The following GYG2 variants were observed in gnomAD, a reference collection of about 807,000 sequenced individuals.
GYG2 encodes the protein glycogenin-2.
In GYG2, 29 loss-of-function variants were observed where a neutral mutation model predicts 29.4. The ratio of observed to expected loss-of-function variants is 0.99; its 90% CI spans 0.74 to 1.35. The LOEUF is 1.35. Ranked by LOEUF, GYG2 falls within the 40% of genes most tolerant of loss-of-function variation. The pLI is 0.00. For missense variants in GYG2, 370 were observed against 385.7 expected, an observed-to-expected ratio of 0.96 and a Z score of 0.34; for synonymous variants, 167 against 172.3, an observed-to-expected ratio of 0.97 and a Z score of 0.24.
chrX:2,848,981 C>T (rs1170903721), intron 3 of GYG2, among the ~76,000 whole-genome samples: 1 of 110,768 alleles, frequency 9.0e-6, no homozygotes, highest in Non-Finnish European at 1.9e-5. Context: ...GAGCAATGAC[C>T]GTAAATGACC....
Position 2,858,473 on chromosome X carries a change from A to G in GYG2, c.615-1370A>G, listed in dbSNP as rs188755459. ...AGAGCAAGCCTCAGCTCAGGAGAAA[A>G]AAAAAAGAAAGAATCCACACGGACA... On this transcript the variant is annotated intron_variant, in intron 6 of 10. Coordinates refer to ENST00000398806, the MANE Select transcript of GYG2 (RefSeq NM_001079855.2). 7.2e-5 allele frequency among the ~76,000 whole-genome samples: 8 copies of G among 110,783 alleles called. No homozygotes were observed. In the East Asian group the frequency reaches 2.0e-3, roughly 27 times the overall value.
chrX:2,846,051 A>ATT (rs2087720471), intron 3 of GYG2, among the ~76,000 whole-genome samples: 1 of 28,536 alleles, frequency 3.5e-5, no homozygotes, highest in Non-Finnish European at 5.7e-5. Context: ...ATATATATAT[A>ATT]TATATTTTTT....
chrX:2,868,657 C>G (rs2088367844), intron 8 of GYG2, among the ~76,000 whole-genome samples: 1 of 109,195 alleles, frequency 9.2e-6, no homozygotes, highest in Non-Finnish European at 1.9e-5. Flanking sequence ...AGTCTTCAGG[C>G]TTTTAAAAGG....
intron 10 of GYG2, 47 bp from the exon 11 acceptor site, chrX:2,881,005 A>G (rs769189858): frequency 2.3e-5 from 27 of 1,169,214 alleles, no homozygotes; most frequent in Non-Finnish European, 2.7e-5. Context: ...CTTTCCCTCG[A>G]TAATGGACAG....
intron 2 of GYG2, among the ~76,000 whole-genome samples, chrX:2,839,985 C>T (rs1327763316): frequency 8.9e-6 from 1 of 111,865 alleles, no homozygotes; most frequent in Non-Finnish European, 1.9e-5. Flanking sequence ...CACAACATTG[C>T]GCATGGACTA....
At chrX:2,865,045 C>T (rs1473794213) in intron 8 of GYG2, among the ~76,000 whole-genome samples, 1 of 111,817 alleles carries the variant, frequency 8.9e-6, no homozygotes, top group East Asian at 2.8e-4. Context: ...AAGTGTGAGC[C>T]ACCATGCCTG....
intron 3 of GYG2, among the ~76,000 whole-genome samples, chrX:2,846,051 ATATATTTTTTTTTTTT>A (rs777212085): frequency 0.15 from 4,152 of 28,319 alleles, 121 homozygotes; most frequent in South Asian, 0.47. Context: ...ATATATATAT[ATATATTTTTTTTTTTT>A]TTTTTTTTTT....
intron 5 of GYG2, among the ~76,000 whole-genome samples, chrX:2,855,676 C>G (rs912036356): frequency 8.9e-6 from 1 of 111,821 alleles, no homozygotes; most frequent in Non-Finnish European, 1.9e-5. Flanking sequence ...TTGCTTGAGG[C>G]GAGGAGTTCA....
At chrX:2,840,750 GATAGATGATAGATAT>G (rs1382528230) in intron 2 of GYG2, among the ~76,000 whole-genome samples, 48 of 110,154 alleles carry the variant, frequency 4.4e-4, no homozygotes, top group Admixed American at 1.7e-3. Flanking sequence ...ATAGATGGAT[GATAGATGATAGATAT>G]ATAGATGATA....
Position 2,882,239 on chromosome X carries a change from G to C in GYG2, c.*1026G>C, listed in dbSNP as rs2088733628. On this transcript the variant is annotated 3_prime_UTR_variant, in exon 11 of 11. Transcript: ENST00000398806. ...GCTGTCAGGGGCCACCGAGAGTGTC[G>C]TTAAAAATGGGCATGGTTGTAATAA... 1 of 110,396 alleles carries C rather than the reference G, an allele frequency of 9.1e-6. No homozygotes were observed. The highest frequency in any genetic ancestry group is 3.3e-5 in the African/African-American group (1 of 30,315). 9.1% of individuals were successfully genotyped at this position (110,396 alleles called of 1,213,427 possible). A position where few individuals can be genotyped will look rare whatever the true frequency, so the allele number is the denominator to read the frequency against.
intron 8 of GYG2, among the ~76,000 whole-genome samples, chrX:2,862,086 T>C (rs1478531572): frequency 2.2e-5 from 2 of 92,320 alleles, no homozygotes; most frequent in African/African-American, 7.3e-5. Flanking sequence ...GGTGGAAGTG[T>C]GAAGGTCAGA....
intron 5 of GYG2, among the ~76,000 whole-genome samples, chrX:2,856,084 T>A (rs1430915893): frequency 8.9e-6 from 1 of 111,753 alleles, no homozygotes; most frequent in Non-Finnish European, 1.9e-5. Context: ...AGAGAGGAAA[T>A]GTGCTGGAAT....
chrX:2,871,449 G>A (rs2088467171), intron 8 of GYG2, among the ~76,000 whole-genome samples: 1 of 110,418 alleles, frequency 9.1e-6, no homozygotes. Context: ...AGCACTTTGT[G>A]AGGCCAAGGC....
chrX:2,849,067 G>A lies in GYG2; in HGVS notation c.150-4913G>A, dbSNP rs1005936401. 5.4e-5 allele frequency among the ~76,000 whole-genome samples: 6 copies of A among 111,456 alleles called. 1 individual carries two copies. In the Admixed American group the frequency reaches 5.8e-4, roughly 11 times the overall value. ...GCGTGTTATGGAGTGATCTTGCAGG[G>A]AAACCTGCTTTAAACTAATTGTATT... is the stretch of plus-strand genomic sequence containing the variant. On this transcript the variant is annotated intron_variant, in intron 3 of 10. Coordinates refer to ENST00000398806, the MANE Select transcript of GYG2 (RefSeq NM_001079855.2).
chrX:2,849,949 T>C (rs1327293066), intron 3 of GYG2, among the ~76,000 whole-genome samples: 1 of 110,315 alleles, frequency 9.1e-6, no homozygotes, highest in African/African-American at 3.3e-5. Flanking sequence ...GTCTCATCTC[T>C]ACTAAAAAAT....
rs763031235 is a variant in GYG2, at chrX:2,859,923, C to T, written c.695C>T (p.Ser232Leu). The T allele has an allele frequency of 2.3e-5, 28 of 1,198,717 alleles. No individual in the cohort carries two copies. Among genetic ancestry groups the T allele is most frequent in the Non-Finnish European group, 2.9e-5 (26 of 886,090 alleles). ...WNYKYNPQSG[S>L]VLEQGSASSS... ...TACAAGTACAATCCACAGAGTGGCT[C>T]GGTGTTGGAGCAAGGCTCAGCGTCC... The change falls in exon 7 of 11, where the codon TCG becomes TTG. Residue 232 changes from serine (S) to leucine (L), a missense_variant. Transcript: ENST00000398806.
chrX:2,856,651 G>A lies in GYG2; in HGVS notation c.614+27G>A, dbSNP rs183016799. 5.9e-4 allele frequency: 691 copies of A among 1,163,897 alleles called. 4 individuals carry two copies. In the Middle Eastern group the frequency reaches 0.026, roughly 44 times the overall value. On this transcript the variant is annotated intron_variant, in intron 6 of 10. Transcript: ENST00000398806. ...TAAGTTCTCCACCCTGGCGAATCCTGCCAGATCTGCCACTACCGATCCACC... is the reference window on the plus strand; with the variant it reads ...TAAGTTCTCCACCCTGGCGAATCCTACCAGATCTGCCACTACCGATCCACC...
chrX:2,847,903 G>A lies in GYG2; in HGVS notation c.149+4549G>A, dbSNP rs188700195. Among the ~76,000 whole-genome samples, 339 of 111,627 alleles carry A rather than the reference G, an allele frequency of 3.0e-3. 3 individuals are homozygous for A. Among genetic ancestry groups the A allele is most frequent in the African/African-American group, 8.6e-3 (266 of 30,806 alleles). ...TGTGTACTGCAGGGTGTTGAGCAGC[G>A]TCCCTGGGCTCCGCCCACCAGATGC... On this transcript the variant is annotated intron_variant, in intron 3 of 10. Transcript: ENST00000398806.
At chrX:2,843,116 G>T (rs754251442) in intron 2 of GYG2, 97 bp from the exon 3 acceptor site, 1 of 743,621 alleles carries the variant, frequency 1.3e-6, no homozygotes, top group East Asian at 3.2e-5. Flanking sequence ...TCTGGCCCAA[G>T]CCATGAATCT....
Sources: gnomAD v4.1 joint callset for allele counts (sites outside exome capture counted in the v4.1 genomes callset) on GRCh38, gnomAD v4.1.1 for gene constraint, MANE v1.5 for transcripts, NCBI Gene and HGNC (gene_info 2026-07-23, HGNC 2026-07-21) for gene names.